ALDH5A1: variants seen among roughly 807,000 people sequenced by gnomAD.
ALDH5A1 encodes aldehyde dehydrogenase 5 family member A1, also known as succinate-semialdehyde dehydrogenase, mitochondrial.
A neutral mutation model predicts 54.7 loss-of-function variants in ALDH5A1; 33 were observed. The observed-to-expected ratio is 0.60, with a 90% CI of 0.46 to 0.81. ALDH5A1 has a LOEUF of 0.81. Among genes scored for constraint, ALDH5A1 ranks in the 30% least tolerant of loss-of-function variants. The pLI, the probability that ALDH5A1 is intolerant of heterozygous loss-of-function variation, is 0.00. For missense variants in ALDH5A1, 657 were observed against 711.0 expected, an observed-to-expected ratio of 0.92 and a Z score of 0.86; for synonymous variants, 294 against 292.7, an observed-to-expected ratio of 1.00 and a Z score of -0.05.
rs1561875020 is a variant in ALDH5A1, at chr6:24,518,396, G to A, written c.871-2005G>A. On this transcript the variant is annotated intron_variant, in intron 5 of 9. Transcript: ENST00000357578. The surrounding 1 kb of genome is among the most constrained non-coding windows in gnomAD (Gnocchi z 4.2). ...CCTGGAGAAGCAGAGACTGAGTGGG[G>A]AGAGGACACTGTCAGAGGACACAGA... Among the ~76,000 whole-genome samples the A allele has an allele frequency of 6.6e-6, 1 of 152,142 alleles. No individual in the cohort carries two copies. The highest frequency in any genetic ancestry group is 2.4e-5 in the African/African-American group (1 of 41,428).
chr6:24,495,429 C>A, intron 1 of ALDH5A1, 79 bp downstream of exon 1: 1 of 1,395,498 alleles, frequency 7.2e-7, no homozygotes, highest in Non-Finnish European at 9.7e-7. Context: ...CCCAAAGTGA[C>A]ACCAGCCGCG....
At chr6:24,501,895 A>ATGTGTG (rs1243852728) in intron 1 of ALDH5A1, among the ~76,000 whole-genome samples, 2 of 129,734 alleles carry the variant, frequency 1.5e-5, no homozygotes, top group Non-Finnish European at 3.3e-5. Context: ...ATATATATAT[A>ATGTGTG]TGTGTGTGTG....
chr6:24,513,364 CTCTTT>C (rs1581813905), intron 4 of ALDH5A1, among the ~76,000 whole-genome samples: 1 of 152,316 alleles, frequency 6.6e-6, no homozygotes, highest in African/African-American at 2.4e-5. Flanking sequence ...CACACCCAGC[CTCTTT>C]TCTTTTAACA....
chr6:24,515,104 T>TC, intron 4 of ALDH5A1, 63 bp from the exon 5 acceptor site: 1 of 754,456 alleles, frequency 1.3e-6, no homozygotes, highest in Non-Finnish European at 1.8e-6. Context: ...TCTCTTTTCT[T>TC]TTTTTTTTTT....
chr6:24,502,342 C>T (rs1471702700), intron 1 of ALDH5A1, among the ~76,000 whole-genome samples, 181 bp from the exon 2 acceptor site: 1 of 152,108 alleles, frequency 6.6e-6, no homozygotes, highest in Non-Finnish European at 1.5e-5. Flanking sequence ...CACGGACATA[C>T]CCAGAAATGA....
At chr6:24,507,814 G>T (rs1759387061) in intron 4 of ALDH5A1, among the ~76,000 whole-genome samples, 1 of 151,912 alleles carries the variant, frequency 6.6e-6, no homozygotes, top group African/African-American at 2.4e-5. Context: ...GGTTATTGGG[G>T]AACAGGTGGT....
chr6:24,512,711 CAG>C (rs1302804207), intron 4 of ALDH5A1, among the ~76,000 whole-genome samples: 3 of 151,480 alleles, frequency 2.0e-5, no homozygotes, highest in Admixed American at 1.3e-4. Flanking sequence ...GTTTTTGAGA[CAG>C]AGTTTCACTC....
chr6:24,504,738 C>T, intron 3 of ALDH5A1, 131 bp from the exon 4 acceptor site: 2 of 901,684 alleles, frequency 2.2e-6, no homozygotes, highest in Middle Eastern at 2.8e-4. Context: ...TGAGAGCTCA[C>T]CTGTGCAGCC....
chr6:24,503,506 C>A, intron 3 of ALDH5A1, 73 bp downstream of exon 3: 1 of 1,555,028 alleles, frequency 6.4e-7, no homozygotes, highest in Non-Finnish European at 8.7e-7. Flanking sequence ...CATTCTTCCT[C>A]GTGAGCAGGT....
At chr6:24,500,199 A>T (rs575498410) in intron 1 of ALDH5A1, among the ~76,000 whole-genome samples, 9 of 152,260 alleles carry the variant, frequency 5.9e-5, no homozygotes, top group Admixed American at 5.9e-4. Context: ...ATAACATAAC[A>T]TTTACCATTT....
At chr6:24,520,211 A>G (rs1376302910) in intron 5 of ALDH5A1, among the ~76,000 whole-genome samples, 190 bp from the exon 6 acceptor site, 1 of 152,114 alleles carries the variant, frequency 6.6e-6, no homozygotes, top group Non-Finnish European at 1.5e-5. Context: ...GCCTCTTCCC[A>G]ATGTTTCTTT....
At chr6:24,527,377 G>T (rs547411196) in intron 7 of ALDH5A1, among the ~76,000 whole-genome samples, 6 of 152,148 alleles carry the variant, frequency 3.9e-5, no homozygotes, top group Admixed American at 6.5e-5. Context: ...TTCGAGACCA[G>T]CCTGGCCAAG....
chr6:24,507,486 A>G (rs4646841), intron 4 of ALDH5A1, among the ~76,000 whole-genome samples: 39,487 of 150,970 alleles, frequency 0.26, 5,330 homozygotes, highest in Non-Finnish European at 0.28. Context: ...TTCCCCCTTT[A>G]TCTTTAAAGA....
intron 4 of ALDH5A1, among the ~76,000 whole-genome samples, chr6:24,508,546 C>T (rs2817226): frequency 0.85 from 129,709 of 152,030 alleles, 55,948 homozygotes; most frequent in Non-Finnish European, 0.92. Flanking sequence ...TTGTTCCATG[C>T]TTTTGCAATT....
At chr6:24,495,382 T>C in intron 1 of ALDH5A1, 32 bp downstream of exon 1, 1 of 1,528,426 alleles carries the variant, frequency 6.5e-7, no homozygotes, top group Middle Eastern at 2.3e-4. Flanking sequence ...GGGCCAGAGC[T>C]GGCCGGGGAC....
chr6:24,499,660 TTTC>T (rs1259313701), intron 1 of ALDH5A1, among the ~76,000 whole-genome samples: 1 of 136,868 alleles, frequency 7.3e-6, no homozygotes, highest in Non-Finnish European at 1.6e-5. Context: ...ACCCAGATAA[TTTC>T]TTTTCTTTTT....
chr6:24,532,387 A>G (rs1426705417), intron 9 of ALDH5A1, among the ~76,000 whole-genome samples: 1 of 152,122 alleles, frequency 6.6e-6, no homozygotes, highest in Non-Finnish European at 1.5e-5. Flanking sequence ...GGAGCTCTCT[A>G]ATTACAGCTG....
chr6:24,526,978 A>C (rs867679405), intron 7 of ALDH5A1, among the ~76,000 whole-genome samples: 18 of 22,986 alleles, frequency 7.8e-4, no homozygotes, highest in African/African-American at 1.2e-3. Context: ...GTGTGTGTAT[A>C]TATATATATA....
chr6:24,517,076 G>A (rs1759589262), intron 5 of ALDH5A1, among the ~76,000 whole-genome samples: 1 of 151,934 alleles, frequency 6.6e-6, no homozygotes, highest in African/African-American at 2.4e-5. Context: ...GCGTGATCTT[G>A]GCTAACTGTA....
Sources: gnomAD v4.1 joint callset for allele counts (sites outside exome capture counted in the v4.1 genomes callset) on GRCh38, gnomAD v4.1.1 for gene constraint, Gnocchi (gnomAD v3.1) non-coding constraint, MANE v1.5 for transcripts, NCBI Gene and HGNC (gene_info 2026-07-23, HGNC 2026-07-21) for gene names.